CPNE4: variants seen among roughly 807,000 people sequenced by gnomAD.
The protein encoded by CPNE4 is copine 4, also known as copine-4.
A neutral mutation model predicts 67.9 loss-of-function variants in CPNE4; 25 were observed. That is an observed-to-expected ratio of 0.37 (90% confidence interval 0.27 to 0.51). The LOEUF is 0.51. Among genes scored for constraint, CPNE4 ranks in the 20% least tolerant of loss-of-function variants. The probability of loss-of-function intolerance (pLI) is 0.93; values close to 1 mark genes in which losing one functional copy is unlikely to be tolerated. For missense variants in CPNE4, 464 were observed against 690.8 expected (o/e 0.67, Z 3.68); for synonymous variants, 242 against 244.9 (o/e 0.99, Z 0.11).
intron 7 of CPNE4, among the ~76,000 whole-genome samples, chr3:131,648,813 A>G (rs2079735093): frequency 6.6e-6 from 1 of 152,150 alleles, no homozygotes; most frequent in Non-Finnish European, 1.5e-5. Flanking sequence ...CCATTTGATT[A>G]CTAAAGAAAA....
intron 2 of CPNE4, among the ~76,000 whole-genome samples, chr3:131,809,001 T>C (rs1452415391): frequency 6.6e-6 from 1 of 152,138 alleles, no homozygotes; most frequent in African/African-American, 2.4e-5. Flanking sequence ...AACATCTCTT[T>C]GGAGAGTGTA....
intron 2 of CPNE4, among the ~76,000 whole-genome samples, chr3:131,829,178 T>C (rs1390182936): frequency 6.6e-6 from 1 of 152,134 alleles, no homozygotes; most frequent in Non-Finnish European, 1.5e-5. Flanking sequence ...CCCCCATAAC[T>C]CAATCACCTC....
chr3:131,667,306 A>T (rs1227891012), intron 7 of CPNE4, among the ~76,000 whole-genome samples: 1 of 152,198 alleles, frequency 6.6e-6, no homozygotes, highest in Non-Finnish European at 1.5e-5. Context: ...GGAGTTTAAC[A>T]AGGCTCCCAG....
chr3:131,587,128 A>G (rs957369549), intron 8 of CPNE4, among the ~76,000 whole-genome samples: 3 of 152,180 alleles, frequency 2.0e-5, no homozygotes, highest in African/African-American at 4.8e-5. Context: ...ACAAAATTCT[A>G]TGAGGTAGGT....
chr3:131,542,876 G>C, intron 14 of CPNE4, 83 bp from the exon 15 acceptor site: 1 of 973,816 alleles, frequency 1.0e-6, no homozygotes, highest in Non-Finnish European at 1.6e-6. Context: ...TAGACACCCA[G>C]GTGGCCTCAC....
chr3:131,844,302 C>A (rs993932437), intron 2 of CPNE4, among the ~76,000 whole-genome samples: 1 of 151,122 alleles, frequency 6.6e-6, no homozygotes, highest in Admixed American at 6.6e-5. Flanking sequence ...GCTCCGTCAC[C>A]CAGGCTGGAG....
chr3:131,990,175 C>A (rs577501663), intron 1 of CPNE4, among the ~76,000 whole-genome samples: 1 of 135,766 alleles, frequency 7.4e-6, no homozygotes, highest in African/African-American at 2.5e-5. Flanking sequence ...CTTATATGAC[C>A]ACATCTCCAA....
intron 2 of CPNE4, among the ~76,000 whole-genome samples, chr3:131,768,899 T>A (rs1260107359): frequency 6.6e-6 from 1 of 152,148 alleles, no homozygotes; most frequent in African/African-American, 2.4e-5. Context: ...TCTAAGTTCT[T>A]TGCATCTTAT....
At position 131,535,301 on chromosome 3, in the gene CPNE4, A is replaced by T; in HGVS notation, c.1568T>A (p.Val523Glu). 1 of 1,613,788 alleles carries T rather than the reference A, an allele frequency of 6.2e-7. No individual in the cohort carries two copies. The highest frequency in any genetic ancestry group is 8.5e-7 in the Non-Finnish European group (1 of 1,179,974). The part of the protein sequence containing the change: ...HASPAALAKS[V>E]LAEVPNQVVD... ...AACTTGGTTTGGGACTTCAGCCAGCACGCTCTTTGCCAGGGCAGCTGGAGA... is the reference window on the plus strand; with the variant it reads ...AACTTGGTTTGGGACTTCAGCCAGCTCGCTCTTTGCCAGGGCAGCTGGAGA... The change falls in exon 16 of 16, where the codon GTG (valine) becomes GAG (glutamate). Residue 523 changes from valine to glutamate, a missense_variant. By Grantham distance (121) the Val-to-Glu change is moderately radical (BLOSUM62 -2). Coordinates refer to ENST00000429747, the MANE Select transcript of CPNE4 (RefSeq NM_130808.3).
chr3:131,864,763 G>C (rs2086858666), intron 2 of CPNE4, among the ~76,000 whole-genome samples: 1 of 151,980 alleles, frequency 6.6e-6, no homozygotes, highest in Non-Finnish European at 1.5e-5. Context: ...AGTGGTGAGA[G>C]GGGGCATCCC....
At chr3:131,559,339 A>G (rs529839746) in intron 11 of CPNE4, among the ~76,000 whole-genome samples, 1 of 152,152 alleles carries the variant, frequency 6.6e-6, no homozygotes, top group South Asian at 2.1e-4. Flanking sequence ...TGATGATAAG[A>G]GCAAAAAACT....
intron 2 of CPNE4, among the ~76,000 whole-genome samples, chr3:131,851,097 T>A (rs948313424): frequency 1.1e-5 from 1 of 89,192 alleles, no homozygotes; most frequent in South Asian, 3.4e-4. Flanking sequence ...CATTGCATCA[T>A]AGCATTTATA....
At chr3:131,687,227 A>G (rs551646508) in intron 5 of CPNE4, among the ~76,000 whole-genome samples, 40 of 152,254 alleles carry the variant, frequency 2.6e-4, no homozygotes, top group African/African-American at 8.7e-4. Context: ...CATTGTTGGG[A>G]ATGGAACCTA....
chr3:131,975,208 T>A (rs756301708), intron 1 of CPNE4, among the ~76,000 whole-genome samples: 10 of 152,112 alleles, frequency 6.6e-5, no homozygotes, highest in Non-Finnish European at 1.5e-4. Flanking sequence ...GGCTTTTAAA[T>A]GTCCCTTTCA....
intron 2 of CPNE4, among the ~76,000 whole-genome samples, chr3:131,859,298 G>T (rs914965691): frequency 6.6e-6 from 1 of 152,082 alleles, no homozygotes; most frequent in Non-Finnish European, 1.5e-5. Flanking sequence ...AAGATAGCCA[G>T]CCACAAATCC....
chr3:131,898,459 A>AT (rs1322970691), intron 2 of CPNE4, among the ~76,000 whole-genome samples: 6 of 152,102 alleles, frequency 3.9e-5, no homozygotes, highest in Admixed American at 3.9e-4. Context: ...GGCTGATGAA[A>AT]TTATCTTCAG....
At chr3:131,639,434 T>A (rs536670241) in intron 7 of CPNE4, among the ~76,000 whole-genome samples, 1 of 152,086 alleles carries the variant, frequency 6.6e-6, no homozygotes, top group South Asian at 2.1e-4. Flanking sequence ...TTCCTGGAAA[T>A]ATACAACCCT....
At chr3:131,999,241 T>TTAAAAAAAA (rs1219108091) in intron 1 of CPNE4, among the ~76,000 whole-genome samples, 2 of 98,834 alleles carry the variant, frequency 2.0e-5, no homozygotes, top group Non-Finnish European at 3.7e-5. Flanking sequence ...TTATCCAAGG[T>TTAAAAAAAA]AAAAAAAAAA....
At chr3:132,022,216 C>A (rs1162426189) in intron 1 of CPNE4, among the ~76,000 whole-genome samples, 1 of 152,134 alleles carries the variant, frequency 6.6e-6, no homozygotes, top group Non-Finnish European at 1.5e-5. Context: ...ACAAGGAGAC[C>A]CACCTATCTT....
Sources: allele counts gnomAD v4.1 joint callset (sites outside exome capture counted in the v4.1 genomes callset), GRCh38; gene constraint gnomAD v4.1.1; transcripts MANE v1.5; gene names NCBI Gene and HGNC (gene_info 2026-07-23, HGNC 2026-07-21).